The following DSTN variants were observed in gnomAD, a reference collection of about 807,000 sequenced individuals.
The protein encoded by DSTN is destrin, actin depolymerizing factor.
In DSTN, 10 loss-of-function variants were observed where a neutral mutation model predicts 16.8. The ratio of observed to expected loss-of-function variants is 0.60; its 90% CI spans 0.37 to 1.01. DSTN has a LOEUF of 1.01. Among genes scored for constraint, DSTN ranks in the 50% least tolerant of loss-of-function variants. DSTN has a pLI of 0.01. For synonymous variants in DSTN, 57 were observed against 58.9 expected (o/e 0.97, Z 0.14); for missense variants, 141 against 196.7 (o/e 0.72, Z 1.69).
intron 1 of DSTN, 68 bp downstream of exon 1, chr20:17,570,279 G>T: frequency 7.0e-7 from 1 of 1,434,428 alleles, no homozygotes; most frequent in South Asian, 1.4e-5. Context: ...GGGCGCCGCG[G>T]AGTCGGGGCT....
intron 1 of DSTN, among the ~76,000 whole-genome samples, chr20:17,570,522 G>A (rs536068776): frequency 1.3e-5 from 2 of 152,270 alleles, no homozygotes; most frequent in Admixed American, 6.5e-5. Flanking sequence ...GGCTGGGGTC[G>A]AGCGCCCCCA....
chr20:17,597,970 T>G (rs1201186717), intron 1 of DSTN, among the ~76,000 whole-genome samples: 1 of 151,270 alleles, frequency 6.6e-6, no homozygotes, highest in Non-Finnish European at 1.5e-5. Flanking sequence ...GTCTGGCTTC[T>G]TTCACTTAGC....
chr20:17,578,267 T>G (rs1408582901), intron 1 of DSTN, among the ~76,000 whole-genome samples: 1 of 152,230 alleles, frequency 6.6e-6, no homozygotes, highest in Non-Finnish European at 1.5e-5. Flanking sequence ...TAGGCCCACA[T>G]AGATGTTACT....
At position 17,580,495 on chromosome 20, in the gene DSTN, C is replaced by T. The variant is rs536777778; in HGVS notation, c.3+10284C>T. Reference sequence around the variant, plus strand: ...AGGCGTGGTGACTCATGCTTGTAATCCAGCACTTTGTGAGGCTGAGGTGGG... The same window carrying T: ...AGGCGTGGTGACTCATGCTTGTAATTCAGCACTTTGTGAGGCTGAGGTGGG... On this transcript the variant is annotated intron_variant, in intron 1 of 3. Coordinates refer to ENST00000246069, the MANE Select transcript of DSTN (RefSeq NM_006870.4). Among the ~76,000 whole-genome samples, 3 of 152,268 alleles carry T rather than the reference C, an allele frequency of 2.0e-5. No individual in the cohort carries two copies. In the East Asian group the frequency reaches 5.8e-4, roughly 29 times the overall value.
rs367775343 is a variant in DSTN, at chr20:17,586,056, G to A, written c.4-14682G>A. Among the ~76,000 whole-genome samples, 14 of 152,182 alleles carry A rather than the reference G, an allele frequency of 9.2e-5. No individual in the cohort carries two copies. The East Asian group carries it at 1.5e-3, about 17-fold the overall frequency. Reference sequence around the variant, plus strand: ...CTTCCTTATGCTGAGAAAACAGGTCGCCCGAGAGAGGGTCTCCCTGGAGAG... The same window carrying A: ...CTTCCTTATGCTGAGAAAACAGGTCACCCGAGAGAGGGTCTCCCTGGAGAG... On this transcript the variant is annotated intron_variant, in intron 1 of 3. Transcript: ENST00000246069.
chr20:17,603,961 G>A (rs1348733619), intron 2 of DSTN, among the ~76,000 whole-genome samples: 2 of 152,208 alleles, frequency 1.3e-5, no homozygotes, highest in African/African-American at 2.4e-5. Context: ...GACTGGGGAA[G>A]TCTAAGAAAA....
At chr20:17,595,223 C>CT (rs2035513678) in intron 1 of DSTN, among the ~76,000 whole-genome samples, 1 of 152,078 alleles carries the variant, frequency 6.6e-6, no homozygotes, top group African/African-American at 2.4e-5. Flanking sequence ...TAGGTAGTTC[C>CT]TTTTGGAACT....
chr20:17,592,062 G>C (rs1411038386), intron 1 of DSTN: 34 of 985,272 alleles, frequency 3.5e-5, no homozygotes, highest in Non-Finnish European at 4.1e-5. Context: ...CCAGGCTTTA[G>C]GGTTAGTATT....
chr20:17,595,263 A>C (rs561242474), intron 1 of DSTN, among the ~76,000 whole-genome samples: 2 of 152,240 alleles, frequency 1.3e-5, no homozygotes, highest in South Asian at 4.1e-4. Context: ...AATTGTTAGT[A>C]GTAGTAGATT....
At chr20:17,570,441 C>G (rs1453726646) in intron 1 of DSTN, among the ~76,000 whole-genome samples, 3 of 152,210 alleles carry the variant, frequency 2.0e-5, no homozygotes, top group Admixed American at 2.0e-4. Flanking sequence ...TGCGCAGCTC[C>G]CAGCTGGGGC....
At chr20:17,574,507 T>TA (rs1404513700) in intron 1 of DSTN, among the ~76,000 whole-genome samples, 7 of 152,074 alleles carry the variant, frequency 4.6e-5, no homozygotes, top group Admixed American at 1.3e-4. Flanking sequence ...ACACAGTAGA[T>TA]ATATGGGAAC....
intron 1 of DSTN, among the ~76,000 whole-genome samples, chr20:17,586,856 A>G (rs1360634458): frequency 6.6e-6 from 1 of 152,204 alleles, no homozygotes; most frequent in Non-Finnish European, 1.5e-5. Flanking sequence ...CATTTTACAG[A>G]TGATGAAGCT....
intron 1 of DSTN, among the ~76,000 whole-genome samples, chr20:17,580,441 T>A (rs2122169683): frequency 6.6e-6 from 1 of 151,962 alleles, no homozygotes. Context: ...ATGAAGAAAA[T>A]AAGGTAATCA....
At chr20:17,591,339 G>A (rs1328756302) in intron 1 of DSTN, among the ~76,000 whole-genome samples, 3 of 98,930 alleles carry the variant, frequency 3.0e-5, no homozygotes, top group Non-Finnish European at 7.5e-5. Flanking sequence ...TAGTATAATT[G>A]GGTTTTTTTT....
Position 17,598,822 on chromosome 20 carries a change from G to T in DSTN, c.4-1916G>T, listed in dbSNP as rs527891746. On this transcript the variant is annotated intron_variant, in intron 1 of 3. Transcript: ENST00000246069. The stretch of plus-strand genomic sequence containing the variant: ...TATGTTGCCCACACTGGTCTCAAAC[G>T]CCTGAACTCAAGTGATCTTCCTGCC... Among the ~76,000 whole-genome samples the T allele has an allele frequency of 3.3e-5, 5 of 152,010 alleles. No individual in the cohort carries two copies. The South Asian group carries it at 1.0e-3, about 32-fold the overall frequency.
intron 1 of DSTN, among the ~76,000 whole-genome samples, chr20:17,573,897 A>T (rs1415469350): frequency 4.0e-3 from 115 of 28,554 alleles, no homozygotes; most frequent in Middle Eastern, 0.033. Context: ...ATGTAGCAGT[A>T]AAAAAAAAAA....
intron 2 of DSTN, among the ~76,000 whole-genome samples, chr20:17,603,980 A>G (rs1209577105): frequency 6.6e-6 from 1 of 152,190 alleles, no homozygotes; most frequent in Non-Finnish European, 1.5e-5. Context: ...AAGGACTTTT[A>G]TTTGTAATTT....
chr20:17,570,842 C>T (rs757268493), intron 1 of DSTN, among the ~76,000 whole-genome samples: 6 of 152,208 alleles, frequency 3.9e-5, no homozygotes, highest in Non-Finnish European at 5.9e-5. Flanking sequence ...CTTCCAGCAG[C>T]ACTCTCGTCG....
At chr20:17,575,392 G>C (rs1313546943) in intron 1 of DSTN, among the ~76,000 whole-genome samples, 1 of 151,990 alleles carries the variant, frequency 6.6e-6, no homozygotes, top group Non-Finnish European at 1.5e-5. Flanking sequence ...ACTAGAGCTA[G>C]TCTCTTTGTT....
Sources: gnomAD v4.1 joint callset for allele counts (sites outside exome capture counted in the v4.1 genomes callset) on GRCh38, gnomAD v4.1.1 for gene constraint, MANE v1.5 for transcripts, NCBI Gene and HGNC (gene_info 2026-07-23, HGNC 2026-07-21) for gene names.